The following TPCN1 variants were observed in gnomAD, a reference collection of about 807,000 sequenced individuals.
TPCN1 encodes the protein two pore segment channel 1.
Under a neutral mutation model 108.8 loss-of-function variants are expected in TPCN1, and 52 were observed. The ratio of observed to expected loss-of-function variants is 0.48; its 90% confidence interval spans 0.38 to 0.60. The LOEUF (loss-of-function observed/expected upper bound fraction) is 0.60, where lower values mean the gene tolerates loss of function less well. TPCN1 is among the 20% of genes least tolerant of loss of function. TPCN1 has a pLI of 0.00. For missense variants in TPCN1, 806 were observed against 1,072.8 expected (o/e 0.75, Z 3.47); for synonymous variants, 446 against 433.7 (o/e 1.03, Z -0.35).
chr12:113,287,196 C>A (rs1016725108), intron 19 of TPCN1, 102 bp downstream of exon 19: 2 of 963,450 alleles, frequency 2.1e-6, no homozygotes, highest in Non-Finnish European at 3.2e-6. Flanking sequence ...AGAAGGTTCA[C>A]AAGCCAGAGT....
rs1956010673 is a variant in TPCN1, at chr12:113,284,761, C to T, written c.1443C>T (p.Val481=). 1 of 1,614,212 alleles carries T rather than the reference C, an allele frequency of 6.2e-7. No individual in the cohort carries two copies. Among genetic ancestry groups the T allele is most frequent in the Non-Finnish European group, 8.5e-7 (1 of 1,180,034 alleles). Residue 481 remains valine, a synonymous_variant, in exon 17 of 28, where the codon GTC becomes GTT. Coordinates refer to ENST00000335509, the MANE Select transcript of TPCN1 (RefSeq NM_017901.6). This position sits in a 1 kb window ranked among gnomAD's most constrained non-coding sequence, Gnocchi z 4.1. ...AGCACGTGCCCTGGAGTTACCTCGT[C>T]TTTCTAACTAGTACGTTTCCGACAT... is the stretch of plus-strand genomic sequence containing the variant. The part of the protein sequence containing the change: ...FSKHVPWSYL[V]FLTIYGVELF...
At position 113,279,359 on chromosome 12, in the gene TPCN1, GTATATA is replaced by G. The variant is rs1186995627; in HGVS notation, c.1297+552_1297+557del. Among the ~76,000 whole-genome samples the G allele has an allele frequency of 5.4e-3, 220 of 40,940 alleles. 2 individuals carry two copies. Among genetic ancestry groups the G allele is most frequent in the Middle Eastern group, 0.022 (1 of 46 alleles). 26.9% of individuals were successfully genotyped at this position (40,940 alleles called of 152,430 possible). ...TGTGTATATATATGTGTGTGTGTGT[GTATATA>G]TATATATATATATATATATATATAT... On this transcript the variant is annotated intron_variant, in intron 14 of 27. Coordinates refer to ENST00000335509, the MANE Select transcript of TPCN1 (RefSeq NM_017901.6).
intron 12 of TPCN1, 63 bp downstream of exon 12, chr12:113,277,427 G>C: frequency 1.3e-6 from 2 of 1,599,146 alleles, no homozygotes; most frequent in Non-Finnish European, 1.7e-6. Context: ...TAGAGTGAAC[G>C]GGGGCATGTG....
intron 2 of TPCN1, among the ~76,000 whole-genome samples, chr12:113,239,946 AGCTGCTCCAAGCTGCCGGCTGC>A (rs1213092738): frequency 6.6e-6 from 1 of 151,676 alleles, no homozygotes; most frequent in African/African-American, 2.4e-5. Context: ...AATGGCTTGG[AGCTGCTCCAAGCTGCCGGCTGC>A]GCTGCCTTTC....
chr12:113,238,807 A>C (rs537971997), intron 2 of TPCN1, among the ~76,000 whole-genome samples: 24 of 152,222 alleles, frequency 1.6e-4, no homozygotes, highest in Non-Finnish European at 3.4e-4. Flanking sequence ...GATTGTGAGA[A>C]AATGGAGTTT....
In TPCN1 at chr12:113,276,846, C is replaced by A; in HGVS notation, c.943-73C>A. On this transcript the variant is annotated intron_variant, in intron 10 of 27. Coordinates refer to ENST00000335509, the MANE Select transcript of TPCN1 (RefSeq NM_017901.6). The stretch of plus-strand genomic sequence containing the variant: ...GTAAGAGCCTTGCCTAGATGATGAA[C>A]TCATACCCCCCTGCACTCCCTGCCC... 9 of 1,023,700 alleles carry A rather than the reference C, an allele frequency of 8.8e-6. No individual in the cohort carries two copies. The South Asian group carries it at 9.1e-5, about 10-fold the overall frequency. The allele number at this position is 1,023,700 out of a possible 1,614,324, so 63.4% of individuals were successfully genotyped here. A position where few individuals can be genotyped will look rare whatever the true frequency, so the allele number is the denominator to read the frequency against.
Position 113,273,120 on chromosome 12 carries a change from G to A in TPCN1, c.784-112G>A. ...TCTGCCTCCCTCAGGGATTCCTTGA[G>A]AGATGCAAGAGCGGTCAAGGCAGGG... On this transcript the variant is annotated intron_variant, in intron 8 of 27. Coordinates refer to ENST00000335509, the MANE Select transcript of TPCN1 (RefSeq NM_017901.6). The surrounding 1 kb of genome is among the most constrained non-coding windows in gnomAD (Gnocchi z 4.0). The A allele has an allele frequency of 1.1e-6, 1 of 916,218 alleles. No individual in the cohort carries two copies. Among genetic ancestry groups the A allele is most frequent in the Non-Finnish European group, 1.8e-6 (1 of 550,458 alleles). 56.8% of individuals were successfully genotyped at this position (916,218 alleles called of 1,614,324 possible).
In TPCN1 at chr12:113,266,326, C is replaced by T. The variant is rs148025830; in HGVS notation, c.384C>T (p.Pro128=). The change falls in exon 4 of 28, where the codon CCC becomes CCT. Residue 128 remains proline (P), a synonymous_variant. Transcript: ENST00000335509. The surrounding 1 kb of genome is among the most constrained non-coding windows in gnomAD (Gnocchi z 4.2). The stretch of plus-strand genomic sequence containing the variant: ...TGCTGCTCTCCCTGTGCGAGGCCCC[C>T]GCCGTCCCCGCACTCCGGCTTGGCA... ...LLLLLSLCEA[P]AVPALRLGIY... is the part of the protein sequence containing the mutation. 1,014 of 1,610,206 alleles carry T rather than the reference C, an allele frequency of 6.3e-4. No homozygotes were observed. The highest frequency in any genetic ancestry group is 7.9e-4 in the Non-Finnish European group (932 of 1,180,012).
chr12:113,244,315 A>T, intron 2 of TPCN1: 1 of 985,516 alleles, frequency 1.0e-6, no homozygotes, highest in South Asian at 4.7e-5. Flanking sequence ...GCTGGAGGCC[A>T]GCAATTCAAC....
chr12:113,224,932 A>G (rs552924392), intron 1 of TPCN1, among the ~76,000 whole-genome samples: 1 of 151,482 alleles, frequency 6.6e-6, no homozygotes, highest in South Asian at 2.1e-4. Flanking sequence ...TGTATCTTTA[A>G]TAGAGGCGGG....
chr12:113,237,380 A>C (rs1161710820), intron 2 of TPCN1, among the ~76,000 whole-genome samples: 4 of 150,462 alleles, frequency 2.7e-5, no homozygotes, highest in African/African-American at 9.8e-5. Context: ...TTCTTGAGTT[A>C]GAGTCTTGCT....
At position 113,291,939 on chromosome 12, in the gene TPCN1, C is replaced by A; in HGVS notation, c.2094C>A (p.Arg698=). ...TCGTCTTCCGAATGAACTACAGCCG[C>A]AAGAACCAGGACTCGGAAGGTCTGT... ...EAFVFRMNYS[R]KNQDSEVDGG... Residue 698 remains arginine, a synonymous_variant, in exon 25 of 28, where the codon CGC becomes CGA. Transcript: ENST00000335509. The A allele has an allele frequency of 6.2e-7, 1 of 1,614,132 alleles. No homozygotes were observed. The highest frequency in any genetic ancestry group is 2.2e-5 in the East Asian group (1 of 44,876).
chr12:113,290,755 G>A (rs1397833776), intron 22 of TPCN1, among the ~76,000 whole-genome samples, 197 bp from the exon 23 acceptor site: 5 of 152,208 alleles, frequency 3.3e-5, no homozygotes, highest in African/African-American at 4.8e-5. Context: ...TCTCTTGGGG[G>A]CAGGCCATGA....
Position 113,269,862 on chromosome 12 carries a change from C to T in TPCN1, c.748+17C>T. On this transcript the variant is annotated intron_variant, in intron 7 of 27. Transcript: ENST00000335509. This position sits in a 1 kb window ranked among gnomAD's most constrained non-coding sequence, Gnocchi z 5.0. Reference sequence around the variant, plus strand: ...CCATCCTCGGTGAGTTCCCGCCTCTCAGGCCCAGGTGCGCTGGAAAAGCAA... The same window carrying T: ...CCATCCTCGGTGAGTTCCCGCCTCTTAGGCCCAGGTGCGCTGGAAAAGCAA... The T allele has an allele frequency of 6.2e-7, 1 of 1,613,184 alleles. No individual in the cohort carries two copies. The highest frequency in any genetic ancestry group is 8.5e-7 in the Non-Finnish European group (1 of 1,179,468).
rs756126142 is a variant in TPCN1, at chr12:113,288,828, G to A, written c.1777G>A (p.Val593Ile). The change falls in exon 21 of 28, where the codon GTC becomes ATC. Residue 593 changes from valine (V) to isoleucine (I), a missense_variant. Physicochemically the swap from Val to Ile is conservative, Grantham distance 29 (BLOSUM62 3). Coordinates refer to ENST00000335509, the MANE Select transcript of TPCN1 (RefSeq NM_017901.6). The surrounding 1 kb of genome is among the most constrained non-coding windows in gnomAD (Gnocchi z 4.8). ...IVGMEFFCGI[V>I]FPNCCNTSTV... is the part of the protein sequence containing the mutation. ...GGGCATGGAGTTCTTCTGCGGGATC[G>A]TCTTCCCCAACTGCTGCAAGTGAGT... is the stretch of plus-strand genomic sequence containing the variant. 49 of 1,613,504 alleles carry A rather than the reference G, an allele frequency of 3.0e-5. No individual in the cohort carries two copies. Among genetic ancestry groups the A allele is most frequent in the East Asian group, 4.5e-5 (2 of 44,886 alleles).
chr12:113,281,916 T>C (rs1042898624), intron 15 of TPCN1, among the ~76,000 whole-genome samples: 2 of 146,032 alleles, frequency 1.4e-5, no homozygotes, highest in East Asian at 2.0e-4. Flanking sequence ...GGATTTCTTT[T>C]TTTTTTTTTT....
rs192953642 is a variant in TPCN1, at chr12:113,282,016, G to T, written c.1342+1821G>T. Among the ~76,000 whole-genome samples, 724 of 149,276 alleles carry T rather than the reference G, an allele frequency of 4.9e-3. 7 individuals are homozygous for T. Among genetic ancestry groups the T allele is most frequent in the African/African-American group, 0.017 (682 of 40,340 alleles). On this transcript the variant is annotated intron_variant, in intron 15 of 27. Transcript: ENST00000335509. The stretch of plus-strand genomic sequence containing the variant: ...GCTCACTGCAACCTCTGCCTCCCAG[G>T]TTCAAGCAATTCTCCTCCCTCAGCC...
intron 2 of TPCN1, among the ~76,000 whole-genome samples, chr12:113,259,879 C>T (rs1954959485): frequency 6.6e-6 from 1 of 152,190 alleles, no homozygotes. Context: ...TGGCTGTCAG[C>T]AGGGAAGAGC....
intron 27 of TPCN1, among the ~76,000 whole-genome samples, chr12:113,295,089 C>T (rs901314875): frequency 6.6e-6 from 1 of 152,216 alleles, no homozygotes; most frequent in Admixed American, 6.5e-5. Flanking sequence ...TGGGCAGTCA[C>T]TCCATGCCTC....
Sources: gnomAD v4.1 joint callset for allele counts (sites outside exome capture counted in the v4.1 genomes callset) on GRCh38, gnomAD v4.1.1 for gene constraint, Gnocchi (gnomAD v3.1) non-coding constraint, MANE v1.5 for transcripts, NCBI Gene and HGNC (gene_info 2026-07-23, HGNC 2026-07-21) for gene names.